Variants in SCARB2 observed in about 807,000 individuals in gnomAD.
The protein encoded by SCARB2 is scavenger receptor class B member 2, also known as lysosome membrane protein 2.
Under a neutral mutation model 58.6 loss-of-function variants are expected in SCARB2, and 29 were observed. The observed-to-expected ratio is 0.49, with a 90% CI of 0.37 to 0.67. The LOEUF (loss-of-function observed/expected upper bound fraction) is 0.67. Among genes scored for constraint, SCARB2 ranks in the 30% least tolerant of loss-of-function variants. The probability of loss-of-function intolerance (pLI) is 0.00; values close to 1 mark genes in which losing one functional copy is unlikely to be tolerated. For synonymous variants in SCARB2, 195 were observed against 210.1 expected (o/e 0.93, Z 0.62); for missense variants, 488 against 578.5 (o/e 0.84, Z 1.60).
At chr4:76,182,137 C>G (rs1374150999) in intron 2 of SCARB2, among the ~76,000 whole-genome samples, 1 of 152,180 alleles carries the variant, frequency 6.6e-6, no homozygotes, top group East Asian at 1.9e-4. Context: ...AGCCCTAGCC[C>G]TAGCCCTGCC....
chr4:76,223,066 A>G (rs1283534385), intron 1 of SCARB2, among the ~76,000 whole-genome samples: 2 of 152,224 alleles, frequency 1.3e-5, no homozygotes, highest in African/African-American at 4.8e-5. Context: ...TTTGTTCAAT[A>G]TCAAAGGTAA....
intron 2 of SCARB2, among the ~76,000 whole-genome samples, chr4:76,187,749 T>C (rs949979101): frequency 2.0e-5 from 3 of 152,188 alleles, no homozygotes; most frequent in Non-Finnish European, 4.4e-5. Context: ...CATGGATTAG[T>C]AGTTTTTGTT....
upstream of SCARB2, among the ~76,000 whole-genome samples, chr4:76,218,404 C>T (rs1274724537): frequency 2.0e-5 from 3 of 152,312 alleles, no homozygotes; most frequent in Admixed American, 6.5e-5. Context: ...GCTTACATAT[C>T]CCAGAGGAGA....
intron 2 of SCARB2, chr4:76,194,002 A>T (rs1049784391): frequency 1.3e-5 from 2 of 152,148 alleles, no homozygotes; most frequent in African/African-American, 2.4e-5. Flanking sequence ...ATAGGGGAGG[A>T]TCCCTCAAGG....
chr4:76,196,388 A>G (rs774838393), intron 1 of SCARB2, among the ~76,000 whole-genome samples: 4 of 152,202 alleles, frequency 2.6e-5, no homozygotes, highest in Non-Finnish European at 5.9e-5. Context: ...TAATAATTGT[A>G]AAGGAAGGGT....
At chr4:76,196,921 C>G (rs889168332) in intron 1 of SCARB2, among the ~76,000 whole-genome samples, 2 of 152,158 alleles carry the variant, frequency 1.3e-5, no homozygotes, top group Non-Finnish European at 2.9e-5. Flanking sequence ...GAGTCGGGGT[C>G]TTTAAAGAGC....
At chr4:76,195,644 G>A in intron 2 of SCARB2, 63 bp downstream of exon 2, 1 of 1,431,452 alleles carries the variant, frequency 7.0e-7, no homozygotes, top group East Asian at 2.3e-5. Flanking sequence ...GAAGAGGCAA[G>A]GACTCAGGCC....
Position 76,174,436 on chromosome 4 carries a change from G to A in SCARB2, c.825-123C>T, listed in dbSNP as rs3733258. 0.18 allele frequency: 146,200 copies of A among 818,482 alleles called. 15,229 individuals carry two copies. Among genetic ancestry groups the A allele is most frequent in the African/African-American group, 0.39 (22,963 of 59,214 alleles). 50.7% of individuals were successfully genotyped at this position (818,482 alleles called of 1,614,324 possible). ...CAAAAGCTCACAGGGTAAGTAGAAA[G>A]GAATGTTTGGAAGGCATTCTGTCAA... On this transcript the variant is annotated intron_variant, in intron 6 of 11. Coordinates refer to ENST00000264896, the MANE Select transcript of SCARB2 (RefSeq NM_005506.4).
intron 2 of SCARB2, among the ~76,000 whole-genome samples, chr4:76,189,678 G>T (rs1403002029): frequency 6.6e-6 from 1 of 151,892 alleles, no homozygotes; most frequent in Non-Finnish European, 1.5e-5. Flanking sequence ...CATTATGTTG[G>T]CCACATTGGT....
At position 76,210,821 on chromosome 4, in the gene SCARB2, G is replaced by A. The variant is rs1472557270; in HGVS notation, c.117+2606C>T. Among the ~76,000 whole-genome samples, 7 of 152,172 alleles carry A rather than the reference G, an allele frequency of 4.6e-5. No homozygotes were observed. In the East Asian group the frequency reaches 7.7e-4, roughly 17 times the overall value. On this transcript the variant is annotated intron_variant, in intron 1 of 11. Coordinates refer to ENST00000264896, the MANE Select transcript of SCARB2 (RefSeq NM_005506.4). ...GGGTTCAAGGACAATTATCATTTGA[G>A]ACAACTTTTTGGATAGGAATTCTCT...
intron 1 of SCARB2, among the ~76,000 whole-genome samples, chr4:76,230,288 A>G (rs906839145): frequency 6.6e-6 from 1 of 152,076 alleles, no homozygotes; most frequent in African/African-American, 2.4e-5. Flanking sequence ...TCTCACTAAG[A>G]AAGTGGGGGA....
Position 76,198,348 on chromosome 4 carries a change from G to A in SCARB2, c.118-2484C>T, listed in dbSNP as rs28604462. Among the ~76,000 whole-genome samples the A allele has an allele frequency of 3.0e-3, 452 of 152,318 alleles. 1 individual carries two copies. Among genetic ancestry groups the A allele is most frequent in the African/African-American group, 0.01 (428 of 41,570 alleles). ...TTGCTGGGCTGGCATCCAGCTTTTA[G>A]GCAACCATAAATCCAAAGACAAGTG... On this transcript the variant is annotated intron_variant, in intron 1 of 11. Transcript: ENST00000264896.
intron 1 of SCARB2, among the ~76,000 whole-genome samples, chr4:76,225,728 G>A (rs558471832): frequency 1.3e-5 from 2 of 152,280 alleles, no homozygotes; most frequent in African/African-American, 4.8e-5. Flanking sequence ...TGTATCCCTG[G>A]TATGAAACTC....
At position 76,161,146 on chromosome 4, in the gene SCARB2, GGAA is replaced by G. The variant is rs1394499781; in HGVS notation, c.*564_*566del. 2 of 156,782 alleles carry G rather than the reference GGAA, an allele frequency of 1.3e-5. No homozygotes were observed. The highest frequency in any genetic ancestry group is 2.4e-5 in the African/African-American group (1 of 41,448). The allele number at this position is 156,782 out of a possible 1,614,324, so 9.7% of individuals were successfully genotyped here. A position where few individuals can be genotyped will look rare whatever the true frequency, so the allele number is the denominator to read the frequency against. On this transcript the variant is annotated 3_prime_UTR_variant, in exon 12 of 12. Coordinates refer to ENST00000264896, the MANE Select transcript of SCARB2 (RefSeq NM_005506.4). Reference sequence around the variant, plus strand: ...TGCAGTTGGAAGACTGAGTTTTCCTGGAAGAATTATGAACTGAAGATCAGCATA... The same window carrying G: ...TGCAGTTGGAAGACTGAGTTTTCCTGGAATTATGAACTGAAGATCAGCATA...
intron 1 of SCARB2, among the ~76,000 whole-genome samples, chr4:76,201,639 G>C (rs978803358): frequency 3.9e-5 from 6 of 152,232 alleles, no homozygotes; most frequent in Non-Finnish European, 5.9e-5. Flanking sequence ...ATCAAGAAGA[G>C]ACAGTAACTT....
In SCARB2 at chr4:76,195,702, C is replaced by T; in HGVS notation, c.275+5G>A. ...CTTTCAAGACAGGAGGTGGTCAAGA[C>T]TTACCTGTAGGTGTATGGCCCCACT... is the stretch of plus-strand genomic sequence containing the variant. On this transcript the variant is annotated splice_donor_5th_base_variant and intron_variant, in intron 2 of 11. Transcript: ENST00000264896. 6.2e-7 allele frequency: 1 copy of T among 1,613,626 alleles called. No individual in the cohort carries two copies. The highest frequency in any genetic ancestry group is 1.1e-5 in the South Asian group (1 of 91,060).
intron 2 of SCARB2, among the ~76,000 whole-genome samples, chr4:76,183,496 T>C (rs970754262): frequency 7.9e-5 from 12 of 152,160 alleles, no homozygotes; most frequent in African/African-American, 2.7e-4. Flanking sequence ...TATTACAAAG[T>C]ATACAGATGA....
intron 2 of SCARB2, among the ~76,000 whole-genome samples, chr4:76,186,445 G>A (rs1320466227): frequency 1.3e-5 from 2 of 152,094 alleles, no homozygotes; most frequent in African/African-American, 4.8e-5. Flanking sequence ...TGACCACAGA[G>A]AAGAGGGAAA....
At chr4:76,231,394 C>T (rs4859432) in intron 1 of SCARB2, among the ~76,000 whole-genome samples, 22,702 of 152,000 alleles carry the variant, frequency 0.15, 1,995 homozygotes, top group East Asian at 0.35. Context: ...CCGGTTGGTT[C>T]ACAGGAACAA....
Sources: allele counts gnomAD v4.1 joint callset (sites outside exome capture counted in the v4.1 genomes callset), GRCh38; gene constraint gnomAD v4.1.1; transcripts MANE v1.5; gene names NCBI Gene and HGNC (gene_info 2026-07-23, HGNC 2026-07-21).